ST18: variants seen among roughly 807,000 people sequenced by gnomAD.
ST18 encodes the protein ST18 C2H2C-type zinc finger transcription factor, also known as suppression of tumorigenicity 18 protein.
ST18 carries 50 observed loss-of-function variants against 110.0 expected under a neutral mutation model. The observed-to-expected ratio is 0.45, with a 90% CI of 0.36 to 0.58. The LOEUF is 0.58. ST18 is among the 20% of genes least tolerant of loss of function. The pLI, the probability that ST18 is intolerant of heterozygous loss-of-function variation, is 0.00. For synonymous variants in ST18, 461 were observed against 452.4 expected, an observed-to-expected ratio of 1.02 and a Z score of -0.24; for missense variants, 1,306 against 1,280.1, an observed-to-expected ratio of 1.02 and a Z score of -0.31.
intron 10 of ST18, among the ~76,000 whole-genome samples, chr8:52,170,864 TA>T (rs2064700048): frequency 6.6e-6 from 1 of 152,192 alleles, no homozygotes. Context: ...ACAAAATATA[TA>T]ATTTGTTTCT....
At chr8:52,255,393 G>A (rs1465643324) in intron 2 of ST18, among the ~76,000 whole-genome samples, 2 of 152,056 alleles carry the variant, frequency 1.3e-5, no homozygotes, top group South Asian at 2.1e-4. Context: ...TCCCAAATTT[G>A]CCACAAGCCC....
chr8:52,371,988 A>T (rs901902471), intron 2 of ST18, among the ~76,000 whole-genome samples: 3 of 152,014 alleles, frequency 2.0e-5, no homozygotes, highest in African/African-American at 4.8e-5. Flanking sequence ...CTGCTTATTT[A>T]AAAAAAAGTT....
intron 15 of ST18, 100 bp downstream of exon 15, chr8:52,158,798 G>T: frequency 7.4e-7 from 1 of 1,347,866 alleles, no homozygotes; most frequent in South Asian, 1.2e-5. Context: ...TTCAGAGGTT[G>T]GGGAGCAGAG....
At chr8:52,343,686 A>G (rs1273862509) in intron 2 of ST18, among the ~76,000 whole-genome samples, 1 of 152,222 alleles carries the variant, frequency 6.6e-6, no homozygotes, top group African/African-American at 2.4e-5. Flanking sequence ...TGAATCAACA[A>G]TTTCTGATAC....
chr8:52,365,939 A>C (rs1452214068), intron 2 of ST18, among the ~76,000 whole-genome samples: 1 of 150,916 alleles, frequency 6.6e-6, no homozygotes, highest in Non-Finnish European at 1.5e-5. Flanking sequence ...AACTTCAATC[A>C]ATTCTCCTGC....
At chr8:52,196,216 C>A (rs1016179855) in intron 8 of ST18, among the ~76,000 whole-genome samples, 9 of 152,334 alleles carry the variant, frequency 5.9e-5, no homozygotes, top group Middle Eastern at 3.4e-3. Flanking sequence ...TAGGCTGGGT[C>A]TACAAGGTTG....
At chr8:52,344,750 A>C (rs946212230) in intron 2 of ST18, among the ~76,000 whole-genome samples, 4 of 152,226 alleles carry the variant, frequency 2.6e-5, no homozygotes, top group Non-Finnish European at 5.9e-5. Flanking sequence ...AACATATCAA[A>C]ATAGATACAT....
At chr8:52,198,466 A>G (rs1244820255) in intron 8 of ST18, among the ~76,000 whole-genome samples, 1 of 152,108 alleles carries the variant, frequency 6.6e-6, no homozygotes, top group Non-Finnish European at 1.5e-5. Context: ...TATGAATAAG[A>G]CTTGTTTGAT....
chr8:52,237,426 A>C (rs1350417237), intron 2 of ST18, among the ~76,000 whole-genome samples: 1 of 152,228 alleles, frequency 6.6e-6, no homozygotes, highest in Non-Finnish European at 1.5e-5. Flanking sequence ...TCTGCATAAC[A>C]AATATATGAA....
At chr8:52,239,955 G>A (rs926583480) in intron 2 of ST18, among the ~76,000 whole-genome samples, 2 of 151,878 alleles carry the variant, frequency 1.3e-5, no homozygotes, top group Non-Finnish European at 2.9e-5. Context: ...CAACACACCT[G>A]GCTTATTTTT....
chr8:52,165,186 G>C lies in ST18; in HGVS notation c.1244C>G (p.Pro415Arg), dbSNP rs760075725. Reference sequence around the variant, plus strand: ...CACATGACCCCTTCCTGTGCATCCCGGCGTGGGACACTTGAGCACATTTTC... The same window carrying C: ...CACATGACCCCTTCCTGTGCATCCCCGCGTGGGACACTTGAGCACATTTTC... ...MHENVLKCPT[P>R]GCTGRGHVNS... is the part of the protein sequence containing the mutation. Residue 415 changes from proline (P) to arginine (R), a missense_variant, in exon 12 of 26, where the codon CCG (proline) becomes CGG (arginine). Pro to Arg is a moderately radical substitution (Grantham distance 103). Coordinates refer to ENST00000689386, the MANE Select transcript of ST18 (RefSeq NM_001352837.2). 6.2e-7 allele frequency: 1 copy of C among 1,614,144 alleles called. No homozygotes were observed. Among genetic ancestry groups the C allele is most frequent in the Non-Finnish European group, 8.5e-7 (1 of 1,180,026 alleles).
chr8:52,171,490 A>C, intron 10 of ST18: 1 of 459,392 alleles, frequency 2.2e-6, no homozygotes, highest in Non-Finnish European at 4.2e-6. Flanking sequence ...TACTTCCAAT[A>C]ATGTCAAATA....
At chr8:52,308,374 T>C (rs920614761) in intron 2 of ST18, among the ~76,000 whole-genome samples, 4 of 152,230 alleles carry the variant, frequency 2.6e-5, no homozygotes, top group African/African-American at 9.6e-5. Context: ...AAAATAACTC[T>C]GTGAATTTGG....
chr8:52,339,453 T>C (rs1460250524), intron 2 of ST18, among the ~76,000 whole-genome samples: 3 of 152,242 alleles, frequency 2.0e-5, no homozygotes, highest in Non-Finnish European at 4.4e-5. Flanking sequence ...AGGTAAGCTC[T>C]GTCCTGCTCA....
chr8:52,300,280 A>G (rs2095698228), intron 2 of ST18, among the ~76,000 whole-genome samples: 1 of 152,194 alleles, frequency 6.6e-6, no homozygotes, highest in Admixed American at 6.5e-5. Context: ...TGCGTGTTAT[A>G]TTGCTATACA....
In ST18 at chr8:52,276,590, C is replaced by T. The variant is rs73679029; in HGVS notation, c.-464-46513G>A. On this transcript the variant is annotated intron_variant, in intron 2 of 25. Transcript: ENST00000689386. ...AGTGAGGACTCAGTCCCTCCTAGTG[C>T]CCCTCTGCCCATTCTCTCTCTGATC... Among the ~76,000 whole-genome samples, 1,382 of 152,182 alleles carry T rather than the reference C, an allele frequency of 9.1e-3. 22 individuals carry two copies. The highest frequency in any genetic ancestry group is 0.031 in the African/African-American group (1,268 of 41,514).
chr8:52,330,690 C>T (rs901368703), intron 2 of ST18, among the ~76,000 whole-genome samples: 3 of 152,228 alleles, frequency 2.0e-5, no homozygotes, highest in Non-Finnish European at 4.4e-5. Context: ...TCTGGGCATG[C>T]CCTGTGCTCA....
At chr8:52,364,001 C>T (rs994734323) in intron 2 of ST18, among the ~76,000 whole-genome samples, 17 of 152,174 alleles carry the variant, frequency 1.1e-4, no homozygotes, top group African/African-American at 4.1e-4. Context: ...TTTTCAAGAT[C>T]CCCACAACTT....
At chr8:52,314,872 C>T (rs1425676185) in intron 2 of ST18, among the ~76,000 whole-genome samples, 3 of 152,184 alleles carry the variant, frequency 2.0e-5, no homozygotes, top group Non-Finnish European at 4.4e-5. Flanking sequence ...CCTGCCCTGA[C>T]ACAGCCAGCC....
Sources: gnomAD v4.1 joint callset for allele counts (sites outside exome capture counted in the v4.1 genomes callset) on GRCh38, gnomAD v4.1.1 for gene constraint, MANE v1.5 for transcripts, NCBI Gene and HGNC (gene_info 2026-07-23, HGNC 2026-07-21) for gene names.